Variants in VAT1L observed in about 807,000 individuals in gnomAD.
The protein encoded by VAT1L is vesicle amine transport 1 like.
A neutral mutation model predicts 44.1 loss-of-function variants in VAT1L; 34 were observed. The ratio of observed to expected loss-of-function variants is 0.77; its 90% CI spans 0.59 to 1.03. VAT1L has a LOEUF of 1.03. Among genes scored for constraint, VAT1L ranks in the 50% least tolerant of loss-of-function variants. The pLI is 0.00. For synonymous variants in VAT1L, 253 were observed against 202.2 expected (o/e 1.25, Z -2.13); for missense variants, 615 against 538.8 (o/e 1.14, Z -1.40).
intron 7 of VAT1L, among the ~76,000 whole-genome samples, chr16:77,948,357 G>A (rs1425188251): frequency 6.6e-6 from 1 of 152,068 alleles, no homozygotes; most frequent in Non-Finnish European, 1.5e-5. Flanking sequence ...ACAACACATT[G>A]AACTTCTCTA....
chr16:77,849,987 G>A (rs2016792771), intron 3 of VAT1L, among the ~76,000 whole-genome samples: 1 of 152,230 alleles, frequency 6.6e-6, no homozygotes, highest in South Asian at 2.1e-4. Flanking sequence ...AGAAGGTGCT[G>A]AAACCAAGGT....
At chr16:77,806,037 A>G (rs1321176408) in intron 1 of VAT1L, among the ~76,000 whole-genome samples, 1 of 148,042 alleles carries the variant, frequency 6.8e-6, no homozygotes. Context: ...AAATTTTTAT[A>G]TTTTTAGTAG....
At chr16:77,972,179 A>G (rs2018285713) in intron 8 of VAT1L, among the ~76,000 whole-genome samples, 1 of 152,222 alleles carries the variant, frequency 6.6e-6, no homozygotes, top group Admixed American at 6.5e-5. Context: ...GCAGGAAAGC[A>G]TAGCAACAAC....
At chr16:77,854,006 T>C (rs1292806647) in intron 3 of VAT1L, among the ~76,000 whole-genome samples, 1 of 152,036 alleles carries the variant, frequency 6.6e-6, no homozygotes, top group African/African-American at 2.4e-5. Flanking sequence ...CACGTGCCTG[T>C]AGTCCCAGCT....
At chr16:77,809,459 CTT>C (rs5818090) in intron 1 of VAT1L, among the ~76,000 whole-genome samples, 3 of 151,348 alleles carry the variant, frequency 2.0e-5, no homozygotes, top group East Asian at 1.9e-4. Flanking sequence ...CTTTTTTGAT[CTT>C]TTTTTTTTCC....
chr16:77,955,184 G>A (rs1386982775), intron 7 of VAT1L, among the ~76,000 whole-genome samples: 1 of 152,204 alleles, frequency 6.6e-6, no homozygotes, highest in African/African-American at 2.4e-5. Context: ...GGAGCAATGG[G>A]AGGGGAGAGA....
At chr16:77,876,247 A>C in intron 4 of VAT1L, 123 bp from the exon 5 acceptor site, 2 of 785,912 alleles carry the variant, frequency 2.5e-6, no homozygotes, top group Non-Finnish European at 4.3e-6. Context: ...ATTTATTGCT[A>C]CTCCTGGAGC....
chr16:77,875,894 A>G (rs894755470), intron 4 of VAT1L, among the ~76,000 whole-genome samples: 1 of 152,172 alleles, frequency 6.6e-6, no homozygotes, highest in Non-Finnish European at 1.5e-5. Context: ...AGACAGGGAG[A>G]ACACTGGTTT....
intron 3 of VAT1L, among the ~76,000 whole-genome samples, chr16:77,843,923 GGA>G (rs1233983608): frequency 6.6e-6 from 1 of 152,208 alleles, no homozygotes; most frequent in East Asian, 1.9e-4. Flanking sequence ...AGGGAGAGCA[GGA>G]GACAGGTGGT....
intron 7 of VAT1L, among the ~76,000 whole-genome samples, chr16:77,950,068 A>G (rs1289675749): frequency 6.6e-6 from 1 of 152,170 alleles, no homozygotes; most frequent in Non-Finnish European, 1.5e-5. Flanking sequence ...CACTTTTAAT[A>G]ACTTATTATC....
At chr16:77,812,113 G>C (rs181816007) in intron 1 of VAT1L, among the ~76,000 whole-genome samples, 14 of 144,366 alleles carry the variant, frequency 9.7e-5, no homozygotes, top group Admixed American at 9.2e-4. Context: ...ACAGAGTCTC[G>C]CTCTGCCACC....
intron 7 of VAT1L, among the ~76,000 whole-genome samples, chr16:77,962,443 C>T (rs1331228310): frequency 6.6e-6 from 1 of 152,006 alleles, no homozygotes; most frequent in Non-Finnish European, 1.5e-5. Flanking sequence ...CAGAGGAAGG[C>T]CAGGGTAGGC....
intron 3 of VAT1L, among the ~76,000 whole-genome samples, chr16:77,859,610 T>C (rs1206414676): frequency 6.6e-6 from 1 of 152,194 alleles, no homozygotes; most frequent in Non-Finnish European, 1.5e-5. Flanking sequence ...AGAAGGACTT[T>C]TGGAAACAGC....
intron 1 of VAT1L, among the ~76,000 whole-genome samples, chr16:77,807,531 C>T (rs954035925): frequency 4.6e-5 from 7 of 152,206 alleles, no homozygotes; most frequent in African/African-American, 1.7e-4. Context: ...AACTTCTCCC[C>T]GTCCCCAGTC....
intron 7 of VAT1L, among the ~76,000 whole-genome samples, chr16:77,955,444 G>A (rs909052950): frequency 8.5e-5 from 13 of 152,200 alleles, no homozygotes; most frequent in Admixed American, 3.3e-4. Context: ...AGAGAATGGG[G>A]CCGGGCGTGG....
intron 7 of VAT1L, among the ~76,000 whole-genome samples, chr16:77,915,017 C>T (rs1445209550): frequency 1.3e-5 from 2 of 152,000 alleles, no homozygotes; most frequent in African/African-American, 4.8e-5. Context: ...CCCAGCTACT[C>T]GGGAGGCTGA....
chr16:77,879,323 G>T lies in VAT1L; in HGVS notation c.882+99G>T. ...TTTGTTTGTTTTGAGACAGCGTCTC[G>T]TTCTGTCACCAGGCTGGAGTGCAAT... is the stretch of plus-strand genomic sequence containing the variant. On this transcript the variant is annotated intron_variant, in intron 6 of 8. Coordinates refer to ENST00000302536, the MANE Select transcript of VAT1L (RefSeq NM_020927.3). The surrounding 1 kb of genome is among the most constrained non-coding windows in gnomAD (Gnocchi z 4.1). 1 of 1,292,584 alleles carries T rather than the reference G, an allele frequency of 7.7e-7. No individual in the cohort carries two copies. Among genetic ancestry groups the T allele is most frequent in the Non-Finnish European group, 1.1e-6 (1 of 893,564 alleles). The allele number at this position is 1,292,584 out of a possible 1,614,324, so 80.1% of individuals were successfully genotyped here.
rs569940615 is a variant in VAT1L, at chr16:77,904,752, T to G, written c.1077+19950T>G. Among the ~76,000 whole-genome samples the G allele has an allele frequency of 2.6e-5, 4 of 152,370 alleles. No individual in the cohort carries two copies. The East Asian group carries it at 5.8e-4, about 22-fold the overall frequency. On this transcript the variant is annotated intron_variant, in intron 7 of 8. Coordinates refer to ENST00000302536, the MANE Select transcript of VAT1L (RefSeq NM_020927.3). ...ACTTTTCTAACTAATATAAGAACTT[T>G]GGGCCAAGAAATGTGCTTTAAATAT...
At chr16:77,972,711 G>A (rs981656188) in intron 8 of VAT1L, among the ~76,000 whole-genome samples, 19 of 152,124 alleles carry the variant, frequency 1.2e-4, no homozygotes, top group African/African-American at 4.6e-4. Flanking sequence ...AACCTGGGAG[G>A]CAGAGATTGC....
Sources: allele counts gnomAD v4.1 joint callset (sites outside exome capture counted in the v4.1 genomes callset), GRCh38; gene constraint gnomAD v4.1.1; non-coding constraint Gnocchi (gnomAD v3.1); transcripts MANE v1.5; gene names NCBI Gene and HGNC (gene_info 2026-07-23, HGNC 2026-07-21).